The following LRMDA variants were observed in gnomAD, a reference collection of about 807,000 sequenced individuals.
The protein encoded by LRMDA is leucine-rich melanocyte differentiation-associated protein.
In LRMDA, 18 loss-of-function variants were observed where a neutral mutation model predicts 29.8. The observed-to-expected ratio is 0.60, with a 90% CI of 0.42 to 0.90. The LOEUF (loss-of-function observed/expected upper bound fraction) is 0.90. LRMDA is among the 40% of genes least tolerant of loss of function. The pLI is 0.00. For missense variants in LRMDA, 273 were observed against 273.9 expected (o/e 1.00, Z 0.02); for synonymous variants, 125 against 109.4 (o/e 1.14, Z -0.89).
intron 6 of LRMDA, among the ~76,000 whole-genome samples, chr10:76,483,124 A>G (rs1842748130): frequency 1.3e-5 from 2 of 151,976 alleles, no homozygotes; most frequent in African/African-American, 4.8e-5. Flanking sequence ...CAGATTATGA[A>G]TTGCAGTTTT....
chr10:76,270,252 G>T (rs1840051067), intron 5 of LRMDA: 1 of 152,250 alleles, frequency 6.6e-6, no homozygotes, highest in Non-Finnish European at 1.5e-5. Flanking sequence ...AAAGTGTCCA[G>T]TTGGGGAGGG....
At chr10:76,066,432 C>A (rs1014427169) in intron 5 of LRMDA, among the ~76,000 whole-genome samples, 22 of 152,296 alleles carry the variant, frequency 1.4e-4, no homozygotes, top group African/African-American at 5.3e-4. Context: ...ATATACATAA[C>A]CTAAAATTAC....
At chr10:76,272,036 C>T (rs1840074455) in intron 5 of LRMDA, among the ~76,000 whole-genome samples, 1 of 152,216 alleles carries the variant, frequency 6.6e-6, no homozygotes, top group South Asian at 2.1e-4. Context: ...CACTATCCCA[C>T]TGTGAGAGAT....
chr10:76,526,482 C>T (rs1482970127), intron 6 of LRMDA, among the ~76,000 whole-genome samples: 1 of 152,044 alleles, frequency 6.6e-6, no homozygotes, highest in African/African-American at 2.4e-5. Context: ...TAGACAGCTT[C>T]CTAAAGATGT....
intron 2 of LRMDA, among the ~76,000 whole-genome samples, chr10:75,759,324 T>C (rs1165013721): frequency 6.6e-6 from 1 of 152,240 alleles, no homozygotes; most frequent in Non-Finnish European, 1.5e-5. Context: ...AAATTCACTT[T>C]GGGGCTCCGT....
intron 2 of LRMDA, among the ~76,000 whole-genome samples, chr10:75,787,332 C>T (rs572698773): frequency 5.3e-5 from 8 of 152,144 alleles, no homozygotes; most frequent in African/African-American, 1.4e-4. Context: ...GTCAGCCTGG[C>T]GGCATAGCCT....
intron 2 of LRMDA, among the ~76,000 whole-genome samples, chr10:75,891,115 A>AAAG (rs1554832387): frequency 6.6e-6 from 1 of 151,288 alleles, no homozygotes; most frequent in Non-Finnish European, 1.5e-5. Context: ...ACAAAAAAAA[A>AAAG]AAAGAAAGAA....
At chr10:76,217,681 A>G (rs1298260044) in intron 5 of LRMDA, among the ~76,000 whole-genome samples, 1 of 152,200 alleles carries the variant, frequency 6.6e-6, no homozygotes, top group Non-Finnish European at 1.5e-5. Flanking sequence ...GGAAAGGGAT[A>G]TGGGTAAGGT....
intron 2 of LRMDA, among the ~76,000 whole-genome samples, chr10:75,595,014 G>A (rs897107268): frequency 3.3e-5 from 5 of 152,004 alleles, no homozygotes; most frequent in Admixed American, 6.5e-5. Context: ...GTAGTTGTTT[G>A]TTTCTTCCTC....
At chr10:76,479,301 G>A (rs918433087) in intron 6 of LRMDA, among the ~76,000 whole-genome samples, 4 of 151,862 alleles carry the variant, frequency 2.6e-5, no homozygotes, top group African/African-American at 9.7e-5. Flanking sequence ...TGGGGCAAGG[G>A]AGAGCGACTT....
chr10:75,600,907 C>A (rs984959069), intron 2 of LRMDA, among the ~76,000 whole-genome samples: 1 of 152,176 alleles, frequency 6.6e-6, no homozygotes, highest in Non-Finnish European at 1.5e-5. Context: ...GAGAAAATGT[C>A]TTGAAATTAT....
At chr10:75,445,712 G>A (rs1303328852) in intron 2 of LRMDA, among the ~76,000 whole-genome samples, 1 of 152,226 alleles carries the variant, frequency 6.6e-6, no homozygotes, top group East Asian at 1.9e-4. Flanking sequence ...GGCCCTGAGT[G>A]GGCTGCCTGC....
At chr10:75,604,350 A>G (rs1840927709) in intron 2 of LRMDA, among the ~76,000 whole-genome samples, 1 of 152,156 alleles carries the variant, frequency 6.6e-6, no homozygotes. Flanking sequence ...AAATTCTAGG[A>G]GTATTAGTGT....
At chr10:76,303,635 G>A (rs1466810186) in intron 5 of LRMDA, among the ~76,000 whole-genome samples, 1 of 151,490 alleles carries the variant, frequency 6.6e-6, no homozygotes, top group Non-Finnish European at 1.5e-5. Context: ...TAATAAAATT[G>A]TTGAACTCCA....
At chr10:76,115,974 A>G (rs566201994) in intron 5 of LRMDA, among the ~76,000 whole-genome samples, 7 of 152,298 alleles carry the variant, frequency 4.6e-5, no homozygotes, top group Admixed American at 2.6e-4. Context: ...CAGGTCCTCA[A>G]TGCATCAAGT....
At chr10:75,971,342 C>G (rs934042899) in intron 2 of LRMDA, among the ~76,000 whole-genome samples, 2 of 152,144 alleles carry the variant, frequency 1.3e-5, no homozygotes, top group African/African-American at 4.8e-5. Context: ...GGGGCCTTCT[C>G]TTAGCGGAGG....
In LRMDA at chr10:76,151,521, C is replaced by T. The variant is rs529010991; in HGVS notation, c.516+92738C>T. ...TCCTTTGCACTTAGCTCTTGATCGT[C>T]GCCTGGCACATATCAGGGGCCAAAC... On this transcript the variant is annotated intron_variant, in intron 5 of 6. Coordinates refer to ENST00000611255, the MANE Select transcript of LRMDA (RefSeq NM_001305581.2). 1.9e-4 allele frequency among the ~76,000 whole-genome samples: 29 copies of T among 152,236 alleles called. No homozygotes were observed. The South Asian group carries it at 2.5e-3, about 13-fold the overall frequency.
chr10:75,845,751 G>A (rs764412494), intron 2 of LRMDA, among the ~76,000 whole-genome samples: 2 of 152,130 alleles, frequency 1.3e-5, no homozygotes, highest in Non-Finnish European at 2.9e-5. Context: ...CAGGGAGATC[G>A]GCTTTGTTGA....
intron 2 of LRMDA, among the ~76,000 whole-genome samples, chr10:75,898,502 G>T (rs1253848791): frequency 6.6e-6 from 1 of 152,122 alleles, no homozygotes; most frequent in African/African-American, 2.4e-5. Context: ...GAAATTTAAA[G>T]AATTGAGCCA....
Sources: allele counts gnomAD v4.1 joint callset (sites outside exome capture counted in the v4.1 genomes callset), GRCh38; gene constraint gnomAD v4.1.1; transcripts MANE v1.5; gene names NCBI Gene and HGNC (gene_info 2026-07-23, HGNC 2026-07-21).